TRPC4: variants seen among roughly 807,000 people sequenced by gnomAD.
TRPC4 encodes transient receptor potential cation channel subfamily C member 4, also known as short transient receptor potential channel 4.
TRPC4 carries 49 observed loss-of-function variants against 99.4 expected under a neutral mutation model. The observed-to-expected ratio is 0.49, with a 90% CI of 0.39 to 0.63. TRPC4 has a LOEUF of 0.63. TRPC4 is among the 20% of genes least tolerant of loss of function. The probability of loss-of-function intolerance (pLI) is 0.00; values close to 1 mark genes in which losing one functional copy is unlikely to be tolerated. For synonymous variants in TRPC4, 454 were observed against 425.9 expected (o/e 1.07, Z -0.81); for missense variants, 898 against 1,152.9 (o/e 0.78, Z 3.20).
chr13:37,640,575 GTTA>G (rs1412377447), intron 8 of TRPC4, among the ~76,000 whole-genome samples: 3 of 152,078 alleles, frequency 2.0e-5, no homozygotes, highest in Non-Finnish European at 4.4e-5. Flanking sequence ...ATAGGATTAA[GTTA>G]TTAATTTAAA....
At chr13:37,817,297 T>A (rs1403114933) in intron 1 of TRPC4, among the ~76,000 whole-genome samples, 1 of 151,944 alleles carries the variant, frequency 6.6e-6, no homozygotes, top group Non-Finnish European at 1.5e-5. Flanking sequence ...ATAAAATATC[T>A]AGGAATATAG....
intron 3 of TRPC4, among the ~76,000 whole-genome samples, chr13:37,716,578 A>G (rs959254915): frequency 6.6e-6 from 1 of 152,158 alleles, no homozygotes; most frequent in East Asian, 1.9e-4. Flanking sequence ...CCTACATAGT[A>G]TCTTGAGGAA....
At chr13:37,701,759 G>A (rs1252871448) in intron 3 of TRPC4, among the ~76,000 whole-genome samples, 1 of 152,070 alleles carries the variant, frequency 6.6e-6, no homozygotes, top group African/African-American at 2.4e-5. Context: ...CAAAGAATCT[G>A]CGTATGAATA....
At chr13:37,801,507 T>TA (rs1416748828) in intron 1 of TRPC4, among the ~76,000 whole-genome samples, 1 of 151,868 alleles carries the variant, frequency 6.6e-6, no homozygotes, top group Non-Finnish European at 1.5e-5. Context: ...AGTTAAGAAA[T>TA]AAAAAAAGGT....
chr13:37,655,335 C>T (rs947910203), intron 6 of TRPC4, 52 bp from the exon 7 acceptor site: 2 of 1,086,728 alleles, frequency 1.8e-6, no homozygotes, highest in African/African-American at 3.3e-5. Flanking sequence ...AATCATTATA[C>T]ATGGGATAAA....
chr13:37,644,270 TA>T (rs1951804968), intron 8 of TRPC4, among the ~76,000 whole-genome samples: 1 of 152,182 alleles, frequency 6.6e-6, no homozygotes, highest in Admixed American at 6.5e-5. Context: ...CTTTTTCTTA[TA>T]ATTATCACTG....
At position 37,663,603 on chromosome 13, in the gene TRPC4, G is replaced by A. The variant is rs1165936640; in HGVS notation, c.1501C>T (p.His501Tyr). 1 of 1,614,186 alleles carries A rather than the reference G, an allele frequency of 6.2e-7. No individual in the cohort carries two copies. The highest frequency in any genetic ancestry group is 8.5e-7 in the Non-Finnish European group (1 of 1,180,014). ...RLISLFTANS[H>Y]LGPLQISLGR... is the part of the protein sequence containing the mutation. ...AGAGATATTTGCAGAGGTCCCAGGT[G>A]AGAATTTGCAGTAAACAGTGAGATC... Residue 501 changes from histidine (H) to tyrosine (Y), a missense_variant, in exon 6 of 11, where the codon CAC becomes TAC. By Grantham distance (83) the His-to-Tyr change is moderately conservative (BLOSUM62 2). Transcript: ENST00000379705.
At chr13:37,663,970 A>G (rs926922143) in intron 5 of TRPC4, among the ~76,000 whole-genome samples, 1 of 152,220 alleles carries the variant, frequency 6.6e-6, no homozygotes, top group Non-Finnish European at 1.5e-5. Flanking sequence ...GGCAAAAACC[A>G]TCAGTGCTTC....
intron 8 of TRPC4, 67 bp from the exon 9 acceptor site, chr13:37,639,366 T>G: frequency 1.4e-6 from 2 of 1,471,422 alleles, no homozygotes; most frequent in Non-Finnish European, 1.8e-6. Context: ...AATAATTTAT[T>G]TTTTTAATCG....
intron 3 of TRPC4, among the ~76,000 whole-genome samples, chr13:37,705,122 A>G (rs1954227876): frequency 6.6e-6 from 1 of 152,192 alleles, no homozygotes; most frequent in Non-Finnish European, 1.5e-5. Context: ...AGCTTTATGA[A>G]AAGATGGAAT....
At chr13:37,754,413 C>T (rs533208782) in intron 2 of TRPC4, among the ~76,000 whole-genome samples, 1 of 152,086 alleles carries the variant, frequency 6.6e-6, no homozygotes. Flanking sequence ...AAGGACATAA[C>T]CCTGCAGATG....
In TRPC4 at chr13:37,753,575, AAGAG is replaced by A. The variant is rs61394712; in HGVS notation, c.379-7124_379-7121del. ...AGAGAAAGAAAGAGAGAGAGAGAGAAAGAGAGAGAGAGAGAGAGAGAGAGAGAGA... is the reference window on the plus strand; with the variant it reads ...AGAGAAAGAAAGAGAGAGAGAGAGAAAGAGAGAGAGAGAGAGAGAGAGAGA... On this transcript the variant is annotated intron_variant, in intron 2 of 10. Transcript: ENST00000379705. 4.6e-3 allele frequency among the ~76,000 whole-genome samples: 628 copies of A among 137,356 alleles called. 11 individuals are homozygous for A. Among genetic ancestry groups the A allele is most frequent in the African/African-American group, 0.015 (555 of 35,908 alleles). The allele number at this position is 137,356 out of a possible 152,430, so 90.1% of individuals were successfully genotyped here. A position where few individuals can be genotyped will look rare whatever the true frequency, so the allele number is the denominator to read the frequency against.
intron 2 of TRPC4, among the ~76,000 whole-genome samples, chr13:37,747,413 T>A (rs1216478871): frequency 1.3e-5 from 2 of 152,220 alleles, no homozygotes; most frequent in African/African-American, 4.8e-5. Flanking sequence ...CTGCACTATG[T>A]TGCTTTAGCA....
chr13:37,743,428 C>T (rs1454490692), intron 3 of TRPC4, among the ~76,000 whole-genome samples: 2 of 152,014 alleles, frequency 1.3e-5, no homozygotes, highest in African/African-American at 4.8e-5. Flanking sequence ...TAGGTTTTGA[C>T]ATTGAAACCA....
At chr13:37,837,304 C>T (rs987659505) in intron 1 of TRPC4, among the ~76,000 whole-genome samples, 1 of 152,218 alleles carries the variant, frequency 6.6e-6, no homozygotes, top group East Asian at 1.9e-4. Flanking sequence ...CACCTTCCTC[C>T]AGACCCTAGA....
At chr13:37,825,183 C>T (rs142897817) in intron 1 of TRPC4, among the ~76,000 whole-genome samples, 3,801 of 152,064 alleles carry the variant, frequency 0.025, 89 homozygotes, top group African/African-American at 0.059. Flanking sequence ...AGTAGTCTTG[C>T]TAGTGGTCTA....
At chr13:37,736,592 G>A (rs1225073589) in intron 3 of TRPC4, among the ~76,000 whole-genome samples, 6 of 152,040 alleles carry the variant, frequency 3.9e-5, no homozygotes, top group Admixed American at 3.9e-4. Flanking sequence ...AATGTAAGTT[G>A]TTTTGAAAGC....
intron 3 of TRPC4, among the ~76,000 whole-genome samples, chr13:37,745,378 A>G (rs944828701): frequency 2.7e-5 from 4 of 149,132 alleles, no homozygotes; most frequent in African/African-American, 9.9e-5. Flanking sequence ...CATTTGGTTG[A>G]ATCCAAGGAT....
At chr13:37,825,109 A>T (rs1429580614) in intron 1 of TRPC4, among the ~76,000 whole-genome samples, 2 of 151,752 alleles carry the variant, frequency 1.3e-5, no homozygotes, top group South Asian at 4.2e-4. Flanking sequence ...CTGTGGGATC[A>T]GTGGTGATAT....
Sources: allele counts gnomAD v4.1 joint callset (sites outside exome capture counted in the v4.1 genomes callset), GRCh38; gene constraint gnomAD v4.1.1; transcripts MANE v1.5; gene names NCBI Gene and HGNC (gene_info 2026-07-23, HGNC 2026-07-21).